The following C2CD3 variants were observed in gnomAD, a reference collection of about 807,000 sequenced individuals.
C2CD3 encodes C2 domain containing 3 centriole elongation regulator, also known as C2 domain-containing protein 3.
C2CD3 carries 148 observed loss-of-function variants against 234.0 expected under a neutral mutation model. The observed-to-expected ratio is 0.63, with a 90% CI of 0.55 to 0.72. The LOEUF is 0.72. C2CD3 is among the 30% of genes least tolerant of loss of function. C2CD3 has a pLI of 0.00. For synonymous variants in C2CD3, 1,000 were observed against 1,035.4 expected, an observed-to-expected ratio of 0.97 and a Z score of 0.66; for missense variants, 2,577 against 2,811.5, an observed-to-expected ratio of 0.92 and a Z score of 1.89.
In C2CD3 at chr11:74,127,550, T is replaced by C. The variant is rs145711242; in HGVS notation, c.1218-4415A>G. ...GAACATTCATGTACACATTTTTACA[T>C]AGATGTATGTTGTAGTTTCCCTTGG... is the stretch of plus-strand genomic sequence containing the variant. On this transcript the variant is annotated intron_variant, in intron 7 of 32. Coordinates refer to ENST00000334126, the MANE Select transcript of C2CD3 (RefSeq NM_001286577.2). 2.8e-3 allele frequency among the ~76,000 whole-genome samples: 429 copies of C among 152,106 alleles called. 2 individuals are homozygous for C. Among genetic ancestry groups the C allele is most frequent in the Non-Finnish European group, 5.2e-3 (356 of 67,994 alleles).
chr11:74,085,138 C>A, intron 21 of C2CD3, among the ~76,000 whole-genome samples, 168 bp from the exon 22 acceptor site: 1 of 148,268 alleles, frequency 6.7e-6, no homozygotes. Flanking sequence ...GCCTGAATGC[C>A]TTCATTTTTT....
Position 74,161,492 on chromosome 11 carries a change from C to T in C2CD3, c.390G>A (p.Gln130=), listed in dbSNP as rs1268510233. ...KLDGLPIGRV[Q]INGLAQLSPT... ...GAGAAAGTTGAGCTAGTCCATTGAT[C>T]TGAACTCTACCAATTGGAAGACCAT... is the stretch of plus-strand genomic sequence containing the variant. Residue 130 remains glutamine (Q), a synonymous_variant, in exon 3 of 33, where the codon CAG becomes CAA. Transcript: ENST00000334126. The T allele has an allele frequency of 6.3e-7, 1 of 1,598,672 alleles. No individual in the cohort carries two copies. The highest frequency in any genetic ancestry group is 8.5e-7 in the Non-Finnish European group (1 of 1,170,848).
At chr11:74,109,293 A>G (rs1340209162) in intron 11 of C2CD3, 141 bp from the exon 12 acceptor site, 1 of 586,514 alleles carries the variant, frequency 1.7e-6, no homozygotes, top group Non-Finnish European at 3.0e-6. Flanking sequence ...TTTCACAGAA[A>G]GTGCTAGGGT....
intron 29 of C2CD3, among the ~76,000 whole-genome samples, chr11:74,038,369 A>G (rs1952847838): frequency 6.6e-6 from 1 of 152,256 alleles, no homozygotes; most frequent in Admixed American, 6.5e-5. Flanking sequence ...CCAATAAGAA[A>G]TCACACCAAC....
chr11:74,090,977 A>T, intron 19 of C2CD3, 41 bp from the exon 20 acceptor site: 1 of 1,607,820 alleles, frequency 6.2e-7, no homozygotes, highest in South Asian at 1.1e-5. Flanking sequence ...TGGTCAGAAG[A>T]ATCTCTGTTC....
At chr11:74,159,792 G>A (rs184771217) in intron 3 of C2CD3, among the ~76,000 whole-genome samples, 64 of 152,272 alleles carry the variant, frequency 4.2e-4, no homozygotes, top group African/African-American at 1.2e-3. Context: ...CTACAGTACA[G>A]TAGTACATGG....
chr11:74,074,498 T>C lies in C2CD3; in HGVS notation c.4706A>G (p.His1569Arg), dbSNP rs1489690266. ...GCTGCAGTCCATGGAGTCCAGCTCATGAGTGGGCTCAAGGTGTGAGGAAAG... is the reference window on the plus strand; with the variant it reads ...GCTGCAGTCCATGGAGTCCAGCTCACGAGTGGGCTCAAGGTGTGAGGAAAG... ...SSLSSHLEPT[H>R]ELDSMDCSSH... The change falls in exon 24 of 33, where the codon CAT (histidine) becomes CGT (arginine). Residue 1569 changes from histidine (H) to arginine (R), a missense_variant. By Grantham distance (29) the His-to-Arg change is conservative (BLOSUM62 0). Coordinates refer to ENST00000334126, the MANE Select transcript of C2CD3 (RefSeq NM_001286577.2). 6.2e-7 allele frequency: 1 copy of C among 1,614,064 alleles called. No individual in the cohort carries two copies. The highest frequency in any genetic ancestry group is 1.1e-5 in the South Asian group (1 of 91,092).
rs138453698 is a variant in C2CD3 at position 74,044,091 on chromosome 11, C to T, written c.5496-1873G>A. Reference sequence around the variant, plus strand: ...TCCTGAGTTCAAGCGATCCTCCCACCGCAGCCTCCCCAAGTGCTGGGATTA... The same window carrying T: ...TCCTGAGTTCAAGCGATCCTCCCACTGCAGCCTCCCCAAGTGCTGGGATTA... On this transcript the variant is annotated intron_variant, in intron 28 of 32. Transcript: ENST00000334126. Among the ~76,000 whole-genome samples, 1,503 of 152,136 alleles carry T rather than the reference C, an allele frequency of 9.9e-3. 25 individuals carry two copies. The highest frequency in any genetic ancestry group is 0.034 in the African/African-American group (1,406 of 41,522).
intron 30 of C2CD3, among the ~76,000 whole-genome samples, chr11:74,035,709 G>GT (rs549044277): frequency 0.046 from 6,609 of 143,346 alleles, 178 homozygotes; most frequent in African/African-American, 0.081. Context: ...GGCTTTTGCT[G>GT]TTTTTTTTTT....
intron 24 of C2CD3, among the ~76,000 whole-genome samples, chr11:74,061,189 T>C (rs1248507785): frequency 6.6e-6 from 1 of 152,194 alleles, no homozygotes; most frequent in East Asian, 1.9e-4. Flanking sequence ...GGAACCAAGT[T>C]GGAAAACACT....
chr11:74,143,738 T>C (rs574338155), intron 3 of C2CD3, among the ~76,000 whole-genome samples: 1 of 151,906 alleles, frequency 6.6e-6, no homozygotes, highest in African/African-American at 2.4e-5. Flanking sequence ...ATTAAGGATA[T>C]TGTTCTATAC....
At chr11:74,034,704 TA>T in intron 30 of C2CD3, 1 of 978,502 alleles carries the variant, frequency 1.0e-6, no homozygotes, top group East Asian at 2.5e-5. Context: ...AGCAAGGAAA[TA>T]TCTATCACCC....
At chr11:74,074,162 AAC>A (rs1161887159) in intron 24 of C2CD3, 89 bp downstream of exon 24, 1 of 870,446 alleles carries the variant, frequency 1.1e-6, no homozygotes, top group African/African-American at 1.7e-5. Flanking sequence ...TGAGATAATT[AAC>A]AGATCCTGCC....
At position 74,033,475 on chromosome 11, in the gene C2CD3, G is replaced by C; in HGVS notation, c.6685C>G (p.Pro2229Ala). ...GDSADSFKKL[P>A]LNLASQSRRE... is the part of the protein sequence containing the mutation. ...CTGCTCTGGGAGGCTAGATTTAGCGGCAACTTCTTGAAGCTATCAGCAGAG... is the reference window on the plus strand; with the variant it reads ...CTGCTCTGGGAGGCTAGATTTAGCGCCAACTTCTTGAAGCTATCAGCAGAG... Residue 2229 changes from proline (P) to alanine (A), a missense_variant, in exon 31 of 33, where the codon CCG becomes GCG. Transcript: ENST00000334126. 1 of 1,536,190 alleles carries C rather than the reference G, an allele frequency of 6.5e-7. No individual in the cohort carries two copies. The highest frequency in any genetic ancestry group is 8.7e-7 in the Non-Finnish European group (1 of 1,146,912).
Position 74,049,381 on chromosome 11 carries a change from C to T in C2CD3, c.5317G>A (p.Glu1773Lys). 1 of 1,614,168 alleles carries T rather than the reference C, an allele frequency of 6.2e-7. No individual in the cohort carries two copies. The highest frequency in any genetic ancestry group is 8.5e-7 in the Non-Finnish European group (1 of 1,179,988). ...SPLESLIHFKEERQARRGVET... is the reference protein window; with the variant it reads ...SPLESLIHFKKERQARRGVET... Reference sequence around the variant, plus strand: ...ACTCCACGCCTTGCTTGCCTTTCTTCTTTGAAGTGTATCAAACTCTCCAAA... The same window carrying T: ...ACTCCACGCCTTGCTTGCCTTTCTTTTTTGAAGTGTATCAAACTCTCCAAA... The change falls in exon 27 of 33, where the codon GAA becomes AAA. Residue 1773 changes from glutamate (E) to lysine (K), a missense_variant. Coordinates refer to ENST00000334126, the MANE Select transcript of C2CD3 (RefSeq NM_001286577.2).
intron 22 of C2CD3, among the ~76,000 whole-genome samples, chr11:74,082,600 T>C (rs980908384): frequency 3.3e-5 from 5 of 152,160 alleles, no homozygotes; most frequent in African/African-American, 1.2e-4. Flanking sequence ...TTGATTTGCA[T>C]ATGTTGAACC....
chr11:74,145,367 GA>G (rs1298303207), intron 3 of C2CD3, among the ~76,000 whole-genome samples: 1 of 152,102 alleles, frequency 6.6e-6, no homozygotes, highest in South Asian at 2.1e-4. Context: ...GTCTTCTTTT[GA>G]AAAGTGTCTG....
chr11:74,045,629 T>C (rs2135425977), intron 28 of C2CD3, among the ~76,000 whole-genome samples: 1 of 152,182 alleles, frequency 6.6e-6, no homozygotes, highest in East Asian at 1.9e-4. Flanking sequence ...TGGAGTGCAA[T>C]GGCATGAACA....
At chr11:74,166,925 G>C (rs1341436176) in intron 2 of C2CD3, among the ~76,000 whole-genome samples, 1 of 152,162 alleles carries the variant, frequency 6.6e-6, no homozygotes, top group African/African-American at 2.4e-5. Flanking sequence ...GGGGCCCTGA[G>C]ATGCTAAGGA....
Sources: gnomAD v4.1 joint callset for allele counts (sites outside exome capture counted in the v4.1 genomes callset) on GRCh38, gnomAD v4.1.1 for gene constraint, MANE v1.5 for transcripts, NCBI Gene and HGNC (gene_info 2026-07-23, HGNC 2026-07-21) for gene names.